ARHGAP20: variants seen among roughly 807,000 people sequenced by gnomAD.
ARHGAP20 encodes rho GTPase-activating protein 20.
A neutral mutation model predicts 73.7 loss-of-function variants in ARHGAP20; 34 were observed. That is an observed-to-expected ratio of 0.46 (90% CI 0.35 to 0.61). The LOEUF (loss-of-function observed/expected upper bound fraction) is 0.61, where lower values mean the gene tolerates loss of function less well. Among genes scored for constraint, ARHGAP20 ranks in the 20% least tolerant of loss-of-function variants. The pLI is 0.00. For missense variants in ARHGAP20, 1,314 were observed against 1,420.9 expected, an observed-to-expected ratio of 0.92 and a Z score of 1.21; for synonymous variants, 523 against 518.2, an observed-to-expected ratio of 1.01 and a Z score of -0.13.
chr11:110,677,817 G>C (rs1949962805), intron 2 of ARHGAP20, among the ~76,000 whole-genome samples: 2 of 152,124 alleles, frequency 1.3e-5, no homozygotes, highest in Non-Finnish European at 2.9e-5. Flanking sequence ...TTGGAGAATA[G>C]TTTGATGGTT....
chr11:110,653,224 G>A (rs113339277), intron 2 of ARHGAP20, among the ~76,000 whole-genome samples: 38 of 152,088 alleles, frequency 2.5e-4, no homozygotes, highest in African/African-American at 8.7e-4. Context: ...TGATAAGTGG[G>A]GTCTAATTAA....
intron 1 of ARHGAP20, chr11:110,711,708 T>C (rs967912753): frequency 7.0e-7 from 1 of 1,425,788 alleles, no homozygotes; most frequent in Non-Finnish European, 9.2e-7. Context: ...GGCCCTGACT[T>C]TGGGGCTGAC....
chr11:110,702,287 CAT>C (rs1219765158), intron 1 of ARHGAP20, among the ~76,000 whole-genome samples: 1 of 152,114 alleles, frequency 6.6e-6, no homozygotes, highest in Non-Finnish European at 1.5e-5. Context: ...ACAAAAACCA[CAT>C]GATTATCTCA....
intron 10 of ARHGAP20, 94 bp downstream of exon 10, chr11:110,591,883 T>C: frequency 7.6e-7 from 1 of 1,319,038 alleles, no homozygotes; most frequent in Admixed American, 2.0e-5. Flanking sequence ...CAGTGGTGTC[T>C]ATAATTTTTC....
intron 4 of ARHGAP20, among the ~76,000 whole-genome samples, chr11:110,621,445 A>C (rs1200163934): frequency 7.0e-6 from 1 of 142,890 alleles, no homozygotes; most frequent in African/African-American, 2.6e-5. Context: ...CCTTTAAAAA[A>C]TCTTTGCTTT....
intron 2 of ARHGAP20, among the ~76,000 whole-genome samples, chr11:110,633,341 A>T (rs1297815597): frequency 1.3e-5 from 2 of 152,178 alleles, no homozygotes; most frequent in African/African-American, 4.8e-5. Context: ...ACTATAAAGC[A>T]TAGGTCTATT....
intron 1 of ARHGAP20, among the ~76,000 whole-genome samples, chr11:110,706,679 A>G (rs1032972834): frequency 3.3e-5 from 5 of 152,106 alleles, no homozygotes; most frequent in African/African-American, 1.2e-4. Flanking sequence ...ATAAAAACCA[A>G]CCTTGTGAGA....
chr11:110,671,251 A>T (rs1012768039), intron 2 of ARHGAP20, among the ~76,000 whole-genome samples: 4 of 152,020 alleles, frequency 2.6e-5, no homozygotes, highest in Admixed American at 1.3e-4. Flanking sequence ...CAACAACATG[A>T]TCATCTCAAA....
At chr11:110,708,714 T>C (rs11828479) in intron 1 of ARHGAP20, among the ~76,000 whole-genome samples, 8,700 of 152,266 alleles carry the variant, frequency 0.057, 291 homozygotes, top group Middle Eastern at 0.099. Context: ...GATTAGTGGT[T>C]GCCTGGGAAT....
intron 9 of ARHGAP20, among the ~76,000 whole-genome samples, chr11:110,605,451 ATTAAC>A (rs1289124389): frequency 6.6e-6 from 1 of 152,220 alleles, no homozygotes; most frequent in Non-Finnish European, 1.5e-5. Context: ...TAAATTAGAA[ATTAAC>A]TTTAAATGCA....
intron 2 of ARHGAP20, among the ~76,000 whole-genome samples, chr11:110,686,678 C>T (rs1449843666): frequency 1.3e-5 from 2 of 152,066 alleles, no homozygotes; most frequent in East Asian, 3.9e-4. Context: ...ACTTAAAAAT[C>T]TATAAAGATG....
At chr11:110,688,394 T>A (rs1393466122) in intron 2 of ARHGAP20, among the ~76,000 whole-genome samples, 1 of 152,090 alleles carries the variant, frequency 6.6e-6, no homozygotes, top group Non-Finnish European at 1.5e-5. Flanking sequence ...TGGTTCCTGA[T>A]CTAAGGCTAA....
intron 1 of ARHGAP20, among the ~76,000 whole-genome samples, chr11:110,705,587 T>C (rs1371217643): frequency 1.3e-5 from 2 of 152,206 alleles, no homozygotes; most frequent in African/African-American, 2.4e-5. Flanking sequence ...TTTATTGTAG[T>C]CTATGAACTT....
intron 4 of ARHGAP20, among the ~76,000 whole-genome samples, chr11:110,619,668 A>G (rs538390709): frequency 4.7e-4 from 71 of 151,622 alleles, no homozygotes; most frequent in Non-Finnish European, 8.4e-4. Flanking sequence ...GTGATAGAGT[A>G]TATGCAGTGA....
intron 2 of ARHGAP20, among the ~76,000 whole-genome samples, chr11:110,671,311 A>G (rs367985572): frequency 7.2e-5 from 11 of 152,200 alleles, no homozygotes; most frequent in Admixed American, 2.6e-4. Flanking sequence ...CGTGATTTAA[A>G]AAAAACACCT....
chr11:110,639,789 T>C (rs979511017), intron 2 of ARHGAP20, among the ~76,000 whole-genome samples: 2 of 152,072 alleles, frequency 1.3e-5, no homozygotes, highest in Non-Finnish European at 2.9e-5. Context: ...TGCTGCTGAA[T>C]AATATTCTGG....
intron 2 of ARHGAP20, among the ~76,000 whole-genome samples, chr11:110,688,736 AAATAT>A (rs1277375830): frequency 6.6e-6 from 1 of 152,186 alleles, no homozygotes; most frequent in Non-Finnish European, 1.5e-5. Context: ...TATGACACTG[AAATAT>A]ATTACCGTAT....
intron 3 of ARHGAP20, among the ~76,000 whole-genome samples, chr11:110,629,162 TTATC>T (rs1440286638): frequency 1.8e-5 from 2 of 108,414 alleles, no homozygotes; most frequent in Non-Finnish European, 4.3e-5. Flanking sequence ...TGTTGTCTAT[TTATC>T]TACCTCCAGG....
At chr11:110,681,517 T>C (rs1264511384) in intron 2 of ARHGAP20, among the ~76,000 whole-genome samples, 1 of 152,194 alleles carries the variant, frequency 6.6e-6, no homozygotes, top group African/African-American at 2.4e-5. Flanking sequence ...CAGTTTTTCA[T>C]TCTGTTATGA....
Sources: gnomAD v4.1 joint callset for allele counts (sites outside exome capture counted in the v4.1 genomes callset) on GRCh38, gnomAD v4.1.1 for gene constraint, MANE v1.5 for transcripts, NCBI Gene and HGNC (gene_info 2026-07-23, HGNC 2026-07-21) for gene names.